Variants in KLF7 observed in about 807,000 individuals in gnomAD.
The protein encoded by KLF7 is KLF transcription factor 7.
A neutral mutation model predicts 27.3 loss-of-function variants in KLF7; 2 were observed. That is an observed-to-expected ratio of 0.07 (90% CI 0.03 to 0.23). The LOEUF is 0.23. Among genes scored for constraint, KLF7 ranks in the 10% least tolerant of loss-of-function variants. The pLI, the probability that KLF7 is intolerant of heterozygous loss-of-function variation, is 1.00. For synonymous variants in KLF7, 165 were observed against 162.4 expected (o/e 1.02, Z -0.12); for missense variants, 221 against 394.1 (o/e 0.56, Z 3.72).
rs1283864759 is a variant in KLF7, at chr2:207,106,468, T to G, written c.733+17306A>C. On this transcript the variant is annotated intron_variant, in intron 2 of 3. Coordinates refer to ENST00000309446, the MANE Select transcript of KLF7 (RefSeq NM_003709.4). The stretch of plus-strand genomic sequence containing the variant: ...GCCCATGAGATGAAAAAAAATTGAT[T>G]GAAAGGACATCTATCACAGATGCCT... 3.9e-5 allele frequency among the ~76,000 whole-genome samples: 6 copies of G among 152,166 alleles called. No individual in the cohort carries two copies. The East Asian group carries it at 1.2e-3, about 29-fold the overall frequency.
intron 3 of KLF7, among the ~76,000 whole-genome samples, chr2:207,086,684 C>G (rs568593970): frequency 1.3e-5 from 2 of 152,376 alleles, no homozygotes; most frequent in Admixed American, 6.5e-5. Context: ...AATACATCAA[C>G]TGCTGGAAGG....
At chr2:207,125,412 G>A (rs1452505149) in intron 1 of KLF7, among the ~76,000 whole-genome samples, 2 of 152,166 alleles carry the variant, frequency 1.3e-5, no homozygotes, top group Non-Finnish European at 2.9e-5. Flanking sequence ...TGCACTATCA[G>A]CTCAATTTGC....
Position 207,141,703 on chromosome 2 carries a change from C to T in KLF7, c.103-17299G>A, listed in dbSNP as rs185146955. On this transcript the variant is annotated intron_variant, in intron 1 of 3. Coordinates refer to ENST00000309446, the MANE Select transcript of KLF7 (RefSeq NM_003709.4). ...TATTAAAAAGTTAGAGTGCGTGAGA[C>T]AAGCAAAGGGCCCACAGCTGCCAGT... Among the ~76,000 whole-genome samples, 24 of 152,182 alleles carry T rather than the reference C, an allele frequency of 1.6e-4. No individual in the cohort carries two copies. In the East Asian group the frequency reaches 4.6e-3, roughly 29 times the overall value.
chr2:207,084,643 T>C lies in KLF7; in HGVS notation c.858-3379A>G, dbSNP rs58988107. ...GTACTTAGTCATGATTAACTTATAC[T>C]TATTAATTTATACTTACTGAATTCC... is the stretch of plus-strand genomic sequence containing the variant. On this transcript the variant is annotated intron_variant, in intron 3 of 3. Transcript: ENST00000309446. 3.7e-3 allele frequency among the ~76,000 whole-genome samples: 556 copies of C among 152,326 alleles called. 4 individuals carry two copies. Among genetic ancestry groups the C allele is most frequent in the African/African-American group, 0.013 (534 of 41,576 alleles).
upstream of KLF7, chr2:207,166,845 GT>G (rs2078727814): frequency 9.6e-7 from 1 of 1,042,236 alleles, no homozygotes; most frequent in Non-Finnish European, 1.2e-6. Context: ...TGAGGAGGAA[GT>G]GCCACACAAT....
At chr2:207,102,972 A>G (rs1352495801) in intron 2 of KLF7, among the ~76,000 whole-genome samples, 2 of 152,174 alleles carry the variant, frequency 1.3e-5, no homozygotes, top group Non-Finnish European at 2.9e-5. Context: ...TCTGTCACCC[A>G]GGTTGGAGTG....
At chr2:207,162,302 A>C (rs2078572625) in intron 1 of KLF7, among the ~76,000 whole-genome samples, 2 of 152,186 alleles carry the variant, frequency 1.3e-5, no homozygotes, top group East Asian at 3.8e-4. Context: ...TTTTGCTCAG[A>C]CAGCTCTTGG....
chr2:207,126,646 A>C (rs561741279), intron 1 of KLF7, among the ~76,000 whole-genome samples: 1 of 152,262 alleles, frequency 6.6e-6, no homozygotes, highest in East Asian at 1.9e-4. Flanking sequence ...ACAAAAACTA[A>C]AAGAAAATTT....
At chr2:207,143,881 G>A (rs766086189) in intron 1 of KLF7, among the ~76,000 whole-genome samples, 3 of 152,162 alleles carry the variant, frequency 2.0e-5, no homozygotes, top group Non-Finnish European at 4.4e-5. Context: ...ACACTTCCTA[G>A]CTTGGGGCCC....
intron 3 of KLF7, among the ~76,000 whole-genome samples, chr2:207,085,164 G>GAAAAAA (rs1015691241): frequency 6.5e-4 from 15 of 22,998 alleles, no homozygotes; most frequent in Non-Finnish European, 1.1e-3. Context: ...TGTCTCAAAT[G>GAAAAAA]AAAAAAAAAA....
At chr2:207,084,315 C>T (rs971330415) in intron 3 of KLF7, among the ~76,000 whole-genome samples, 1 of 152,050 alleles carries the variant, frequency 6.6e-6, no homozygotes, top group African/African-American at 2.4e-5. Flanking sequence ...ATTCTTGATA[C>T]AGAACTTTAT....
chr2:207,166,032 T>TCCCTC, upstream of KLF7: 1 of 282,066 alleles, frequency 3.5e-6, no homozygotes, highest in Non-Finnish European at 4.4e-6. Context: ...CCCCTTCCCT[T>TCCCTC]CCCTCCCCAC....
At chr2:207,167,162 C>G (rs942002428), upstream of KLF7, 7 of 1,434,018 alleles carry the variant, frequency 4.9e-6, no homozygotes, top group Non-Finnish European at 4.6e-6. Flanking sequence ...AGCGAGGTGT[C>G]TGCAGAGCTT....
Position 207,109,389 on chromosome 2 carries a change from GC to G in KLF7, c.733+14384del, listed in dbSNP as rs141221913. On this transcript the variant is annotated intron_variant, in intron 2 of 3. Coordinates refer to ENST00000309446, the MANE Select transcript of KLF7 (RefSeq NM_003709.4). Reference sequence around the variant, plus strand: ...ATTCATTTATATTGTTTCAACTTAGGCCCCCAAAAGAAATAACTGATCTCTA... The same window carrying G: ...ATTCATTTATATTGTTTCAACTTAGGCCCCAAAAGAAATAACTGATCTCTA... 1.6e-3 allele frequency among the ~76,000 whole-genome samples: 239 copies of G among 152,178 alleles called. 2 individuals are homozygous for G. Among genetic ancestry groups the G allele is most frequent in the Non-Finnish European group, 2.7e-3 (186 of 67,998 alleles).
At chr2:207,134,340 T>C (rs1287460952) in intron 1 of KLF7, among the ~76,000 whole-genome samples, 1 of 151,718 alleles carries the variant, frequency 6.6e-6, no homozygotes, top group Non-Finnish European at 1.5e-5. Context: ...GTTCTCTCTC[T>C]CCCTCGCAGC....
At chr2:207,168,115 A>G (rs945283501), upstream of KLF7, among the ~76,000 whole-genome samples, 1 of 152,180 alleles carries the variant, frequency 6.6e-6, no homozygotes, top group Non-Finnish European at 1.5e-5. Context: ...CATGAATAAT[A>G]GGGGAAGGAA....
At chr2:207,167,216 G>C, upstream of KLF7, 3 of 1,278,748 alleles carry the variant, frequency 2.3e-6, no homozygotes, top group Non-Finnish European at 3.0e-6. Flanking sequence ...TCTGGAGTTG[G>C]GATGTAGACA....
intron 1 of KLF7, among the ~76,000 whole-genome samples, chr2:207,156,922 T>G (rs1351412312): frequency 2.0e-5 from 3 of 152,224 alleles, no homozygotes; most frequent in African/African-American, 7.2e-5. Context: ...GCTCAATGCC[T>G]TGGCTGCATA....
intron 1 of KLF7, among the ~76,000 whole-genome samples, chr2:207,154,263 C>T (rs963666450): frequency 2.0e-5 from 3 of 151,968 alleles, no homozygotes; most frequent in East Asian, 1.9e-4. Flanking sequence ...GTGTAGTAAC[C>T]GGCACTGTAT....
Sources: allele counts gnomAD v4.1 joint callset (sites outside exome capture counted in the v4.1 genomes callset), GRCh38; gene constraint gnomAD v4.1.1; transcripts MANE v1.5; gene names NCBI Gene and HGNC (gene_info 2026-07-23, HGNC 2026-07-21).